NRG3: variants seen among roughly 807,000 people sequenced by gnomAD.
NRG3 encodes neuregulin 3.
A neutral mutation model predicts 66.9 loss-of-function variants in NRG3; 31 were observed. The observed-to-expected ratio is 0.46, with a 90% CI of 0.35 to 0.63. The LOEUF is 0.63. NRG3 is among the 20% of genes least tolerant of loss of function. NRG3 has a pLI of 0.00. For missense variants in NRG3, 910 were observed against 878.9 expected, an observed-to-expected ratio of 1.04 and a Z score of -0.45; for synonymous variants, 393 against 359.4, an observed-to-expected ratio of 1.09 and a Z score of -1.06.
chr10:82,667,496 G>A (rs745808968), intron 2 of NRG3, among the ~76,000 whole-genome samples: 1 of 152,086 alleles, frequency 6.6e-6, no homozygotes, highest in Non-Finnish European at 1.5e-5. Flanking sequence ...TCTTTAGTGC[G>A]GTGCTCAAAA....
chr10:81,980,426 C>T (rs2060292106), intron 1 of NRG3, among the ~76,000 whole-genome samples: 1 of 152,174 alleles, frequency 6.6e-6, no homozygotes, highest in South Asian at 2.1e-4. Context: ...GTAAAAGTAA[C>T]TTATAAACTG....
chr10:82,068,226 T>G (rs2064600633), intron 1 of NRG3, among the ~76,000 whole-genome samples: 2 of 152,238 alleles, frequency 1.3e-5, no homozygotes, highest in Admixed American at 1.3e-4. Flanking sequence ...CATAACTGTT[T>G]AGAATGCCTT....
Position 82,471,805 on chromosome 10 carries a change from C to T in NRG3, c.953+112937C>T, listed in dbSNP as rs112975288. ...TCCTGAGGCTGAGGCAGGAGAATCA[C>T]TTGAACCCAGGAGGCAGAGGTTGCA... On this transcript the variant is annotated intron_variant, in intron 2 of 8. Transcript: ENST00000372141. Among the ~76,000 whole-genome samples the T allele has an allele frequency of 4.4e-3, 672 of 151,712 alleles. 3 individuals carry two copies. Among genetic ancestry groups the T allele is most frequent in the African/African-American group, 0.016 (653 of 41,406 alleles).
At chr10:81,879,554 C>G (rs1025108966) in intron 1 of NRG3, among the ~76,000 whole-genome samples, 1 of 152,092 alleles carries the variant, frequency 6.6e-6, no homozygotes, top group African/African-American at 2.4e-5. Flanking sequence ...GACAAAGAGC[C>G]TCTTTTTATA....
At position 82,189,794 on chromosome 10, in the gene NRG3, A is replaced by T. The variant is rs953003911; in HGVS notation, c.824-168945A>T. ...GACAGAGCAAGACTTTTCTCCATAAAAAATAAATAAATAAATAAATTAGCC... is the reference window on the plus strand; with the variant it reads ...GACAGAGCAAGACTTTTCTCCATAATAAATAAATAAATAAATAAATTAGCC... On this transcript the variant is annotated intron_variant, in intron 1 of 8. Transcript: ENST00000372141. Among the ~76,000 whole-genome samples, 3 of 151,044 alleles carry T rather than the reference A, an allele frequency of 2.0e-5. No homozygotes were observed. The South Asian group carries it at 6.3e-4, about 32-fold the overall frequency.
At chr10:81,917,618 T>C (rs761762579) in intron 1 of NRG3, among the ~76,000 whole-genome samples, 3 of 152,152 alleles carry the variant, frequency 2.0e-5, no homozygotes, top group Non-Finnish European at 2.9e-5. Flanking sequence ...AACATAACTA[T>C]TGTAAGAGGA....
intron 3 of NRG3, among the ~76,000 whole-genome samples, chr10:82,749,799 A>T (rs2134917597): frequency 6.6e-6 from 1 of 152,128 alleles, no homozygotes; most frequent in Non-Finnish European, 1.5e-5. Context: ...GAAAAAAAAA[A>T]AAAAAGATGG....
chr10:82,688,692 T>G (rs556165398), intron 2 of NRG3, among the ~76,000 whole-genome samples: 56 of 152,156 alleles, frequency 3.7e-4, no homozygotes, highest in African/African-American at 1.3e-3. Context: ...TAAATTAGAA[T>G]TTTATTAGGT....
intron 2 of NRG3, among the ~76,000 whole-genome samples, chr10:82,597,749 C>T (rs993317009): frequency 2.0e-5 from 3 of 151,880 alleles, no homozygotes; most frequent in Non-Finnish European, 2.9e-5. Flanking sequence ...GGTGAAACCC[C>T]GTCTCTACGA....
Position 82,699,428 on chromosome 10 carries a change from C to G in NRG3, c.954-39149C>G, listed in dbSNP as rs77879315. Among the ~76,000 whole-genome samples, 3 of 152,186 alleles carry G rather than the reference C, an allele frequency of 2.0e-5. No individual in the cohort carries two copies. In the East Asian group the frequency reaches 5.8e-4, roughly 29 times the overall value. On this transcript the variant is annotated intron_variant, in intron 2 of 8. Transcript: ENST00000372141. ...TCTTGCGCAAATTATTTTTAACGTT[C>G]TTTAGCTACAGGCAAAGATCATCCT...
intron 3 of NRG3, among the ~76,000 whole-genome samples, chr10:82,752,991 G>A (rs1253601338): frequency 2.0e-5 from 3 of 152,156 alleles, no homozygotes; most frequent in African/African-American, 7.2e-5. Context: ...TTTAAATTAT[G>A]CTACTTTAAG....
At chr10:82,160,183 A>T (rs1165705370) in intron 1 of NRG3, among the ~76,000 whole-genome samples, 1 of 151,980 alleles carries the variant, frequency 6.6e-6, no homozygotes, top group Non-Finnish European at 1.5e-5. Context: ...ACCTAAACAC[A>T]ATAGAATCAT....
chr10:82,314,801 G>C (rs6584643), intron 1 of NRG3, among the ~76,000 whole-genome samples: 70,111 of 152,000 alleles, frequency 0.46, 19,724 homozygotes, highest in African/African-American at 0.79. Context: ...CAGAGCGAGA[G>C]TCCGTCTCAA....
chr10:82,027,748 A>T (rs1297108622), intron 1 of NRG3, among the ~76,000 whole-genome samples: 5 of 152,044 alleles, frequency 3.3e-5, no homozygotes, highest in Non-Finnish European at 7.4e-5. Flanking sequence ...AGGTGAGGGG[A>T]TTGCAGTCTC....
intron 3 of NRG3, among the ~76,000 whole-genome samples, chr10:82,797,828 C>T (rs1197227903): frequency 6.6e-6 from 1 of 152,096 alleles, no homozygotes; most frequent in Non-Finnish European, 1.5e-5. Context: ...AATGTGGCCT[C>T]CTGAAGTTGC....
At chr10:82,069,004 G>T (rs1046231938) in intron 1 of NRG3, among the ~76,000 whole-genome samples, 1 of 152,124 alleles carries the variant, frequency 6.6e-6, no homozygotes, top group Non-Finnish European at 1.5e-5. Context: ...CCACAGAAGG[G>T]TTTAATTGGA....
chr10:81,991,446 A>AAACC (rs2060736737), intron 1 of NRG3, among the ~76,000 whole-genome samples: 2 of 152,178 alleles, frequency 1.3e-5, no homozygotes, highest in African/African-American at 4.8e-5. Flanking sequence ...ACAGGGTACA[A>AAACC]AACCACAATG....
At chr10:82,482,720 G>A (rs961442879) in intron 2 of NRG3, among the ~76,000 whole-genome samples, 2 of 152,144 alleles carry the variant, frequency 1.3e-5, no homozygotes, top group Admixed American at 1.3e-4. Context: ...TGTTTCAAGT[G>A]CTTATTAAAG....
chr10:82,205,042 G>A (rs1267775763), intron 1 of NRG3, among the ~76,000 whole-genome samples: 3 of 152,176 alleles, frequency 2.0e-5, no homozygotes, highest in Non-Finnish European at 4.4e-5. Context: ...ATTTGGTATT[G>A]TTTGTGTCGT....
Sources: allele counts gnomAD v4.1 joint callset (sites outside exome capture counted in the v4.1 genomes callset), GRCh38; gene constraint gnomAD v4.1.1; transcripts MANE v1.5; gene names NCBI Gene and HGNC (gene_info 2026-07-23, HGNC 2026-07-21).